The following CAND2 variants were observed in gnomAD, a reference collection of about 807,000 sequenced individuals.
CAND2 encodes cullin associated and neddylation dissociated 2 (putative), also known as cullin-associated NEDD8-dissociated protein 2.
CAND2 carries 62 observed loss-of-function variants against 98.9 expected under a neutral mutation model. The ratio of observed to expected loss-of-function variants is 0.63; its 90% CI spans 0.51 to 0.77. The LOEUF is 0.77. Ranked by LOEUF, CAND2 falls within the 30% of genes least tolerant of loss-of-function variation. CAND2 has a pLI of 0.00. For missense variants in CAND2, 1,501 were observed against 1,655.2 expected, an observed-to-expected ratio of 0.91 and a Z score of 1.62; for synonymous variants, 770 against 731.9, an observed-to-expected ratio of 1.05 and a Z score of -0.84.
intron 12 of CAND2, 136 bp downstream of exon 12, chr3:12,825,775 A>T: frequency 1.1e-6 from 1 of 919,632 alleles, no homozygotes; most frequent in Non-Finnish European, 1.6e-6. Flanking sequence ...CCTGACTCCG[A>T]GCTGTGGGAC....
At chr3:12,809,402 A>C (rs776387503) in intron 4 of CAND2, among the ~76,000 whole-genome samples, 5 of 152,250 alleles carry the variant, frequency 3.3e-5, no homozygotes, top group Middle Eastern at 3.4e-3. Context: ...CAAACAAATG[A>C]AACCTAGGAG....
At chr3:12,823,156 A>C (rs1371508250) in intron 11 of CAND2, among the ~76,000 whole-genome samples, 2 of 152,338 alleles carry the variant, frequency 1.3e-5, no homozygotes, top group Non-Finnish European at 2.9e-5. Context: ...CTCTGTGAAA[A>C]CTAATACTCG....
chr3:12,803,490 T>C lies in CAND2; in HGVS notation c.71T>C (p.Phe24Ser), dbSNP rs2061781909. 17 of 1,606,576 alleles carry C rather than the reference T, an allele frequency of 1.1e-5. No homozygotes were observed. The East Asian group carries it at 3.8e-4, about 36-fold the overall frequency. Residue 24 changes from phenylalanine (F) to serine (S), a missense_variant and splice_region_variant, in exon 2 of 15, where the codon TTC becomes TCC. Coordinates refer to ENST00000456430, the MANE Select transcript of CAND2 (RefSeq NM_001162499.2). Reference protein sequence around the residue: ...KMTSSDKDFRFMATSDLMSEL... With the variant: ...KMTSSDKDFRSMATSDLMSEL... ...TCTCCTCCACCCTCCCTGTGCAGGT[T>C]CATGGCCACCAGCGACCTGATGTCG...
intron 13 of CAND2, among the ~76,000 whole-genome samples, chr3:12,830,437 C>A (rs563264408): frequency 6.6e-6 from 1 of 152,136 alleles, no homozygotes; most frequent in African/African-American, 2.4e-5. Context: ...GGCTACTGAC[C>A]CCAGGACACA....
In CAND2 at chr3:12,834,051, CCCA is replaced by C; in HGVS notation, c.*73_*75del. On this transcript the variant is annotated 3_prime_UTR_variant, in exon 15 of 15. Coordinates refer to ENST00000456430, the MANE Select transcript of CAND2 (RefSeq NM_001162499.2). Reference sequence around the variant, plus strand: ...CCACCCAAGTCCGAGGCCTCCCCATCCCACCATCGCAGGTCTCTACTTTTGCCC... The same window carrying C: ...CCACCCAAGTCCGAGGCCTCCCCATCCCATCGCAGGTCTCTACTTTTGCCC... The C allele has an allele frequency of 1.6e-6, 2 of 1,261,682 alleles. No individual in the cohort carries two copies. The highest frequency in any genetic ancestry group is 2.9e-5 in the African/African-American group (2 of 68,328). 78.2% of individuals were successfully genotyped at this position (1,261,682 alleles called of 1,614,324 possible). A position where few individuals can be genotyped will look rare whatever the true frequency, so the allele number is the denominator to read the frequency against.
At chr3:12,810,433 A>G in intron 5 of CAND2, 109 bp downstream of exon 5, 1 of 812,782 alleles carries the variant, frequency 1.2e-6, no homozygotes, top group Non-Finnish European at 1.5e-6. Context: ...CCAGGGCCTA[A>G]GGGTGGGCCG....
chr3:12,816,684 C>A lies in CAND2; in HGVS notation c.1752C>A (p.Asp584Glu). The A allele has an allele frequency of 3.1e-6, 5 of 1,613,734 alleles. No homozygotes were observed. Among genetic ancestry groups the A allele is most frequent in the Non-Finnish European group, 4.2e-6 (5 of 1,180,044 alleles). ...CGCGACTTCGTGCCACTGACCTGGA[C>A]CAGGAGGTGAAGGAGCGGGCCATTT... ...TLARLRATDL[D>E]QEVKERAISC... is the part of the protein sequence containing the mutation. Residue 584 changes from aspartate (D) to glutamate (E), a missense_variant, in exon 10 of 15, where the codon GAC becomes GAA. Transcript: ENST00000456430.
At chr3:12,806,989 G>C in intron 2 of CAND2, 1 of 247,752 alleles carries the variant, frequency 4.0e-6, no homozygotes, top group Non-Finnish European at 7.7e-6. Context: ...CTCTGGAGGT[G>C]GGGCCCAGCC....
intron 11 of CAND2, among the ~76,000 whole-genome samples, chr3:12,821,671 T>C (rs562680005): frequency 1.1e-4 from 17 of 152,280 alleles, no homozygotes; most frequent in South Asian, 8.3e-4. Flanking sequence ...TTTAAAACAT[T>C]TGAACTGGTT....
chr3:12,818,700 A>G (rs1470382692), intron 10 of CAND2, among the ~76,000 whole-genome samples: 1 of 152,234 alleles, frequency 6.6e-6, no homozygotes. Flanking sequence ...AGTGTTTGGT[A>G]ACCTATGTGG....
chr3:12,811,946 C>G (rs116761015), intron 5 of CAND2, among the ~76,000 whole-genome samples: 3,411 of 150,728 alleles, frequency 0.023, 124 homozygotes, highest in African/African-American at 0.077. Context: ...GTGTCTTGCT[C>G]TGTTTCCCAG....
Position 12,815,524 on chromosome 3 carries a change from G to T in CAND2, c.1299+91G>T. 7.7e-7 allele frequency: 1 copy of T among 1,300,300 alleles called. No individual in the cohort carries two copies. The highest frequency in any genetic ancestry group is 1.1e-6 in the Non-Finnish European group (1 of 951,962). The allele number at this position is 1,300,300 out of a possible 1,614,324, so 80.5% of individuals were successfully genotyped here. A position where few individuals can be genotyped will look rare whatever the true frequency, so the allele number is the denominator to read the frequency against. On this transcript the variant is annotated intron_variant, in intron 8 of 14. Transcript: ENST00000456430. The surrounding 1 kb of genome is among the most constrained non-coding windows in gnomAD (Gnocchi z 5.7). The stretch of plus-strand genomic sequence containing the variant: ...CCTGGACTTGGAAACTCAGCTGGGA[G>T]AACATCCAGCCATGGAAGGGAAGGG...
intron 5 of CAND2, among the ~76,000 whole-genome samples, chr3:12,811,618 C>T (rs2061852367): frequency 6.6e-6 from 1 of 152,226 alleles, no homozygotes; most frequent in African/African-American, 2.4e-5. Context: ...GTTGCCCAGG[C>T]TGGAGTGCAA....
In CAND2 at chr3:12,817,668, C is replaced by G; in HGVS notation, c.2736C>G (p.Tyr912Ter). The G allele has an allele frequency of 1.2e-6, 2 of 1,610,684 alleles. No individual in the cohort carries two copies. The highest frequency in any genetic ancestry group is 1.7e-6 in the Non-Finnish European group (2 of 1,178,558). ...EQIEAEPRRQ[Y>*]LLLHSLREAL... ...TCGAGGCTGAGCCCCGACGACAGTA[C>G]CTGCTGCTGCACTCACTCAGGGAGG... The change falls in exon 10 of 15, where the codon TAC (tyrosine) becomes TAG (stop). Residue 912 changes from tyrosine (Y) to a stop codon, truncating the protein, a stop_gained. Transcript: ENST00000456430. LOFTEE classifies it high-confidence loss of function.
At chr3:12,809,692 T>C (rs1254659274) in intron 4 of CAND2, among the ~76,000 whole-genome samples, 1 of 151,964 alleles carries the variant, frequency 6.6e-6, no homozygotes, top group Non-Finnish European at 1.5e-5. Context: ...AGAAGTAGAC[T>C]TTATACTGCT....
At position 12,811,935 on chromosome 3, in the gene CAND2, C is replaced by T. The variant is rs150869025; in HGVS notation, c.758-1055C>T. ...TTTTTTTCTTTTTGAGACTGAGTCT[C>T]GTGTCTTGCTCTGTTTCCCAGGCTG... On this transcript the variant is annotated intron_variant, in intron 5 of 14. Transcript: ENST00000456430. Among the ~76,000 whole-genome samples the T allele has an allele frequency of 6.0e-3, 884 of 148,344 alleles. 7 individuals carry two copies. The highest frequency in any genetic ancestry group is 0.021 in the African/African-American group (837 of 39,812).
chr3:12,818,934 T>G (rs1417216651), intron 10 of CAND2, among the ~76,000 whole-genome samples: 4 of 152,198 alleles, frequency 2.6e-5, no homozygotes, highest in Non-Finnish European at 5.9e-5. Context: ...CCTAAACACC[T>G]ATTTGTTTCT....
chr3:12,808,392 T>C (rs2061823845), intron 4 of CAND2, 59 bp downstream of exon 4: 4 of 1,536,044 alleles, frequency 2.6e-6, no homozygotes, highest in Admixed American at 2.0e-5. Flanking sequence ...AGGGAGGGAC[T>C]CAAATCACAG....
intron 2 of CAND2, 183 bp from the exon 3 acceptor site, chr3:12,807,123 G>A (rs1358676757): frequency 9.5e-6 from 5 of 527,382 alleles, no homozygotes; most frequent in Non-Finnish European, 1.7e-5. Flanking sequence ...GGTTTGGGAG[G>A]TCCCAGGAAC....
Sources: allele counts gnomAD v4.1 joint callset (sites outside exome capture counted in the v4.1 genomes callset), GRCh38; gene constraint gnomAD v4.1.1; non-coding constraint Gnocchi (gnomAD v3.1); transcripts MANE v1.5; gene names NCBI Gene and HGNC (gene_info 2026-07-23, HGNC 2026-07-21).